The following ADGRB3 variants were observed in gnomAD, a reference collection of about 807,000 sequenced individuals.
ADGRB3 encodes the protein brain-specific angiogenesis inhibitor 3.
A neutral mutation model predicts 193.4 loss-of-function variants in ADGRB3; 37 were observed. That is an observed-to-expected ratio of 0.19 (90% CI 0.15 to 0.25). ADGRB3 has a LOEUF of 0.25. Among genes scored for constraint, ADGRB3 ranks in the 10% least tolerant of loss-of-function variants. ADGRB3 has a pLI of 1.00. For missense variants in ADGRB3, 1,637 were observed against 1,852.9 expected (o/e 0.88, Z 2.14); for synonymous variants, 690 against 644.2 (o/e 1.07, Z -1.08).
chr6:68,750,461 A>G (rs943903742), intron 3 of ADGRB3, among the ~76,000 whole-genome samples: 1 of 152,248 alleles, frequency 6.6e-6, no homozygotes, highest in African/African-American at 2.4e-5. Context: ...ATTAATTTGA[A>G]TAGGTTAGCT....
intron 3 of ADGRB3, among the ~76,000 whole-genome samples, chr6:68,877,509 C>T (rs1765626429): frequency 1.3e-5 from 2 of 151,994 alleles, no homozygotes; most frequent in South Asian, 4.1e-4. Flanking sequence ...CCATCATTTG[C>T]ATGGCCATTT....
rs62418300 is a variant in ADGRB3, at chr6:68,973,465, C to T, written c.1526-1298C>T. On this transcript the variant is annotated intron_variant, in intron 8 of 31. Transcript: ENST00000370598. ...TAACTATAAGGTAATTTAATGAGTT[C>T]GTAAATTCTGAAATGGAATTGGTAT... is the stretch of plus-strand genomic sequence containing the variant. Among the ~76,000 whole-genome samples, 471 of 152,102 alleles carry T rather than the reference C, an allele frequency of 3.1e-3. 1 individual carries two copies. The highest frequency in any genetic ancestry group is 5.7e-3 in the Non-Finnish European group (389 of 67,978).
At chr6:68,805,445 G>T (rs895248533) in intron 3 of ADGRB3, among the ~76,000 whole-genome samples, 11 of 152,180 alleles carry the variant, frequency 7.2e-5, no homozygotes, top group South Asian at 2.1e-4. Flanking sequence ...GCTTCATCCT[G>T]CTTAGTGAAT....
At chr6:69,039,638 A>G (rs562328909) in intron 13 of ADGRB3, among the ~76,000 whole-genome samples, 3 of 152,322 alleles carry the variant, frequency 2.0e-5, no homozygotes, top group East Asian at 1.9e-4. Context: ...GGGCATTGCA[A>G]TGAGAATTAG....
At chr6:68,657,172 C>T (rs1348450053) in intron 3 of ADGRB3, among the ~76,000 whole-genome samples, 1 of 151,316 alleles carries the variant, frequency 6.6e-6, no homozygotes, top group East Asian at 2.0e-4. Flanking sequence ...CTTGTGTTTC[C>T]TGGGAAAGTC....
At chr6:69,061,516 C>T (rs1248339152) in intron 15 of ADGRB3, among the ~76,000 whole-genome samples, 3 of 151,868 alleles carry the variant, frequency 2.0e-5, no homozygotes, top group Non-Finnish European at 2.9e-5. Flanking sequence ...TCAAGGAATT[C>T]CACTCTCAGA....
chr6:68,967,636 C>G (rs1768422147), intron 8 of ADGRB3, among the ~76,000 whole-genome samples: 1 of 151,602 alleles, frequency 6.6e-6, no homozygotes, highest in Non-Finnish European at 1.5e-5. Context: ...ACAACGTCTA[C>G]AGTATTTTTG....
rs749046588 is a variant in ADGRB3, at chr6:69,361,306, G to C, written c.4033G>C (p.Val1345Leu). ...GCATGAAAGGCTATTGCACTACAAA[G>C]TAAACCCTGAATTCAATATGAATCC... ...LPHERLLHYK[V>L]NPEFNMNPPV... The change falls in exon 29 of 32, where the codon GTA (valine) becomes CTA (leucine). Residue 1345 changes from valine (V) to leucine (L), a missense_variant. Transcript: ENST00000370598. 1 of 1,612,856 alleles carries C rather than the reference G, an allele frequency of 6.2e-7. No individual in the cohort carries two copies. The highest frequency in any genetic ancestry group is 8.5e-7 in the Non-Finnish European group (1 of 1,179,244).
At chr6:69,196,213 A>G (rs183590437) in intron 17 of ADGRB3, among the ~76,000 whole-genome samples, 10 of 152,250 alleles carry the variant, frequency 6.6e-5, no homozygotes, top group East Asian at 1.9e-4. Flanking sequence ...ATATTTTTAC[A>G]TAACAAAAAT....
rs753423408 is a variant in ADGRB3 at position 68,767,900 on chromosome 6, A to AT, written c.757+128469dup. On this transcript the variant is annotated intron_variant, in intron 3 of 31. Transcript: ENST00000370598. ...AAGCATCCCTATACACCAATGTTAG[A>AT]TAAACAGAGAGCCAAATCATAAGTG... Among the ~76,000 whole-genome samples the AT allele has an allele frequency of 3.3e-5, 5 of 152,312 alleles. No homozygotes were observed. The East Asian group carries it at 9.6e-4, about 29-fold the overall frequency.
intron 11 of ADGRB3, among the ~76,000 whole-genome samples, chr6:68,997,973 A>C (rs182863206): frequency 2.6e-5 from 4 of 152,288 alleles, no homozygotes; most frequent in Admixed American, 2.6e-4. Context: ...AAGTATTTTA[A>C]CTAACAAATC....
chr6:69,058,572 G>A lies in ADGRB3; in HGVS notation c.2334-4362G>A, dbSNP rs995759258. On this transcript the variant is annotated intron_variant, in intron 15 of 31. Transcript: ENST00000370598. ...AGATCTTTCTTCTTTTTTAATGTAG[G>A]TGTTTACTGCTATAAACTTCCCTCT... Among the ~76,000 whole-genome samples, 4 of 151,672 alleles carry A rather than the reference G, an allele frequency of 2.6e-5. No individual in the cohort carries two copies. The South Asian group carries it at 6.2e-4, about 24-fold the overall frequency.
chr6:68,798,827 A>T (rs1033508562), intron 3 of ADGRB3, among the ~76,000 whole-genome samples: 3 of 152,222 alleles, frequency 2.0e-5, no homozygotes, highest in African/African-American at 7.2e-5. Flanking sequence ...GGCTACTCAC[A>T]GTAAAAATAC....
rs143397262 is a variant in ADGRB3, at chr6:69,369,424, G to A, written c.4240-2982G>A. Reference sequence around the variant, plus strand: ...CCCTTTAAGATAAACTAAGGCTGGGGTGGAGCCTCACGCCTGTAATCTCAG... The same window carrying A: ...CCCTTTAAGATAAACTAAGGCTGGGATGGAGCCTCACGCCTGTAATCTCAG... On this transcript the variant is annotated intron_variant, in intron 29 of 31. Coordinates refer to ENST00000370598, the MANE Select transcript of ADGRB3 (RefSeq NM_001704.3). Among the ~76,000 whole-genome samples the A allele has an allele frequency of 7.6e-3, 1,160 of 152,184 alleles. 9 individuals are homozygous for A. Among genetic ancestry groups the A allele is most frequent in the Non-Finnish European group, 0.011 (759 of 67,992 alleles).
intron 8 of ADGRB3, among the ~76,000 whole-genome samples, chr6:68,967,300 G>T (rs1192784530): frequency 2.0e-5 from 3 of 152,188 alleles, no homozygotes; most frequent in Admixed American, 6.5e-5. Context: ...AGACCAAACT[G>T]ATAGTCATTA....
chr6:69,231,721 A>G (rs1383594559), intron 17 of ADGRB3, among the ~76,000 whole-genome samples: 1 of 152,214 alleles, frequency 6.6e-6, no homozygotes, highest in Non-Finnish European at 1.5e-5. Context: ...GAGACCTAAC[A>G]CATTCAAAAA....
chr6:68,956,928 G>A, intron 8 of ADGRB3, 119 bp downstream of exon 8: 1 of 1,143,516 alleles, frequency 8.7e-7, no homozygotes, highest in Non-Finnish European at 1.2e-6. Context: ...ACTAATGATA[G>A]GTGGCAATTT....
intron 3 of ADGRB3, among the ~76,000 whole-genome samples, chr6:68,664,229 A>AT (rs961176145): frequency 1.7e-4 from 26 of 151,066 alleles, no homozygotes; most frequent in East Asian, 7.8e-4. Context: ...TCAAATACCG[A>AT]TTTTTTTTTA....
At chr6:68,956,553 AAATGGAAGGGGTAGTAACAT>A in intron 7 of ADGRB3, 72 bp from the exon 8 acceptor site, 1 of 1,483,058 alleles carries the variant, frequency 6.7e-7, no homozygotes, top group Non-Finnish European at 9.3e-7. Flanking sequence ...AGATTAACAA[AAATGGAAGGGGTAGTAACAT>A]TCTCAGATTT....
Sources: gnomAD v4.1 joint callset for allele counts (sites outside exome capture counted in the v4.1 genomes callset) on GRCh38, gnomAD v4.1.1 for gene constraint, MANE v1.5 for transcripts, NCBI Gene and HGNC (gene_info 2026-07-23, HGNC 2026-07-21) for gene names.